Variants in TTC39B observed in about 807,000 individuals in gnomAD.
TTC39B encodes tetratricopeptide repeat domain 39B, also known as tetratricopeptide repeat protein 39B.
TTC39B carries 92 observed loss-of-function variants against 96.6 expected under a neutral mutation model. The ratio of observed to expected loss-of-function variants is 0.95; its 90% CI spans 0.80 to 1.13. The LOEUF (loss-of-function observed/expected upper bound fraction) is 1.13. Among genes scored for constraint, TTC39B ranks in the 50% most tolerant of loss-of-function variants. The pLI, the probability that TTC39B is intolerant of heterozygous loss-of-function variation, is 0.00. For synonymous variants in TTC39B, 367 were observed against 299.4 expected, an observed-to-expected ratio of 1.23 and a Z score of -2.33; for missense variants, 955 against 809.3, an observed-to-expected ratio of 1.18 and a Z score of -2.18.
chr9:15,281,625 C>CAAAAAAAAAAAAAAAAAAAAAAAAAAAAA (rs1161175672), intron 1 of TTC39B, among the ~76,000 whole-genome samples: 1 of 49,008 alleles, frequency 2.0e-5, no homozygotes, highest in Non-Finnish European at 3.6e-5. Context: ...CCTGCAACAG[C>CAAAAAAAAAAAAAAAAAAAAAAAAAAAAA]AAAAAAAAAA....
intron 7 of TTC39B, among the ~76,000 whole-genome samples, chr9:15,200,997 C>T (rs1037843301): frequency 4.6e-5 from 7 of 151,960 alleles, no homozygotes; most frequent in African/African-American, 1.7e-4. Context: ...GACTCCATCT[C>T]AAAACAATAA....
chr9:15,306,912 A>G lies in TTC39B; in HGVS notation c.240+172T>C, dbSNP rs923943526. 4.6e-5 allele frequency among the ~76,000 whole-genome samples: 7 copies of G among 151,844 alleles called. No homozygotes were observed. Among genetic ancestry groups the G allele is most frequent in the African/African-American group, 1.7e-4 (7 of 41,346 alleles). On this transcript the variant is annotated intron_variant, in intron 1 of 19. Transcript: ENST00000512701. The surrounding 1 kb of genome is among the most constrained non-coding windows in gnomAD (Gnocchi z 5.1). ...GCGCCGCAGGGACCCTCCTAGCTCC[A>G]GCGGGGACAGACCTACCAAGGCCGG... is the stretch of plus-strand genomic sequence containing the variant.
intron 2 of TTC39B, among the ~76,000 whole-genome samples, chr9:15,237,507 T>A (rs1265616023): frequency 6.6e-6 from 1 of 152,160 alleles, no homozygotes; most frequent in African/African-American, 2.4e-5. Flanking sequence ...TGAACTCATT[T>A]ATGCACACAA....
intron 1 of TTC39B, among the ~76,000 whole-genome samples, chr9:15,302,212 G>C (rs1438337400): frequency 6.6e-6 from 1 of 151,522 alleles, no homozygotes; most frequent in Non-Finnish European, 1.5e-5. Context: ...TGCAATTCCA[G>C]CTTCTCCGGA....
chr9:15,233,414 T>A (rs1821548782), intron 2 of TTC39B, among the ~76,000 whole-genome samples: 1 of 152,166 alleles, frequency 6.6e-6, no homozygotes, highest in Non-Finnish European at 1.5e-5. Flanking sequence ...GAGCCGAAGC[T>A]GGACTGTACT....
intron 11 of TTC39B, 34 bp from the exon 12 acceptor site, chr9:15,189,826 T>G (rs1157200604): frequency 6.9e-7 from 1 of 1,448,580 alleles, no homozygotes; most frequent in East Asian, 2.4e-5. Context: ...TCAGTCTTCA[T>G]AAGACATGGG....
At chr9:15,294,654 G>A (rs1463781423) in intron 1 of TTC39B, among the ~76,000 whole-genome samples, 1 of 151,344 alleles carries the variant, frequency 6.6e-6, no homozygotes, top group Non-Finnish European at 1.5e-5. Context: ...AGGAAAGGTG[G>A]GAGGATGTAA....
At chr9:15,274,799 T>C (rs762245310) in intron 1 of TTC39B, among the ~76,000 whole-genome samples, 2 of 152,148 alleles carry the variant, frequency 1.3e-5, no homozygotes, top group Non-Finnish European at 1.5e-5. Context: ...ATTTTTTTAA[T>C]AGACTTAGAA....
chr9:15,248,346 G>C (rs1033549313), intron 2 of TTC39B, among the ~76,000 whole-genome samples: 2 of 152,158 alleles, frequency 1.3e-5, no homozygotes, highest in Non-Finnish European at 1.5e-5. Context: ...TCCAGCTTAA[G>C]CATTCTAGGG....
At position 15,279,963 on chromosome 9, in the gene TTC39B, T is replaced by A. The variant is rs1318940680; in HGVS notation, c.241-12015A>T. Among the ~76,000 whole-genome samples, 6 of 150,376 alleles carry A rather than the reference T, an allele frequency of 4.0e-5. No homozygotes were observed. In the South Asian group the frequency reaches 1.3e-3, roughly 32 times the overall value. ...CAGGCTGGGGTGCAGTGGCATGATC[T>A]TGGCTCAGTGCAACCTCCACCCCCC... On this transcript the variant is annotated intron_variant, in intron 1 of 19. Coordinates refer to ENST00000512701, the Ensembl canonical transcript of TTC39B.
intron 2 of TTC39B, among the ~76,000 whole-genome samples, chr9:15,246,641 GA>G (rs1822292725): frequency 6.6e-6 from 1 of 152,188 alleles, no homozygotes; most frequent in Admixed American, 6.5e-5. Context: ...TTGTCATTTG[GA>G]ATACTAAAGC....
In TTC39B at chr9:15,227,175, C is replaced by T. The variant is rs148565893; in HGVS notation, c.276-1163G>A. 3.5e-3 allele frequency among the ~76,000 whole-genome samples: 526 copies of T among 152,002 alleles called. 4 individuals carry two copies. The highest frequency in any genetic ancestry group is 0.012 in the African/African-American group (492 of 41,478). On this transcript the variant is annotated intron_variant, in intron 2 of 19. Coordinates refer to ENST00000512701, the Ensembl canonical transcript of TTC39B. ...TACAAAAATTAGCCAGGTATCGTGG[C>T]GCATGCCTGTAATCCCAGCTACCCG...
intron 2 of TTC39B, among the ~76,000 whole-genome samples, chr9:15,251,302 C>G (rs1822526800): frequency 6.6e-6 from 1 of 152,084 alleles, no homozygotes; most frequent in South Asian, 2.1e-4. Context: ...TTAAAGACAG[C>G]CTGTAATCCC....
intron 2 of TTC39B, among the ~76,000 whole-genome samples, chr9:15,239,993 A>G (rs551555515): frequency 4.6e-5 from 7 of 152,352 alleles, no homozygotes; most frequent in African/African-American, 1.2e-4. Context: ...TAATAGTATT[A>G]GCTACATAGA....
At chr9:15,190,940 GC>G (rs1327434695) in intron 10 of TTC39B, among the ~76,000 whole-genome samples, 2 of 151,826 alleles carry the variant, frequency 1.3e-5, no homozygotes, top group African/African-American at 4.8e-5. Flanking sequence ...CTAGCAAGAA[GC>G]AATATTAGCA....
chr9:15,185,074 G>A (rs554294882), intron 16 of TTC39B, among the ~76,000 whole-genome samples: 10 of 152,106 alleles, frequency 6.6e-5, no homozygotes, highest in Admixed American at 2.6e-4. Flanking sequence ...AGCCTTTATC[G>A]TAATGCCTGG....
At chr9:15,273,840 C>T (rs1253832616) in intron 1 of TTC39B, among the ~76,000 whole-genome samples, 1 of 152,184 alleles carries the variant, frequency 6.6e-6, no homozygotes, top group African/African-American at 2.4e-5. Flanking sequence ...GGACCATTCC[C>T]ATGGAGATGA....
At chr9:15,294,197 T>G (rs974767820) in intron 1 of TTC39B, among the ~76,000 whole-genome samples, 16 of 111,972 alleles carry the variant, frequency 1.4e-4, no homozygotes, top group African/African-American at 5.6e-4. Context: ...CAGTCTATTG[T>G]CAGCTGCTAG....
At chr9:15,236,912 A>G (rs1196646266) in intron 2 of TTC39B, among the ~76,000 whole-genome samples, 1 of 152,222 alleles carries the variant, frequency 6.6e-6, no homozygotes, top group Non-Finnish European at 1.5e-5. Flanking sequence ...ATCACAACTC[A>G]AGGAACTAGA....
Sources: gnomAD v4.1 joint callset for allele counts (sites outside exome capture counted in the v4.1 genomes callset) on GRCh38, gnomAD v4.1.1 for gene constraint, Gnocchi (gnomAD v3.1) non-coding constraint, MANE v1.5 for transcripts, NCBI Gene and HGNC (gene_info 2026-07-23, HGNC 2026-07-21) for gene names.